Variants in ATP7B observed in about 807,000 individuals in gnomAD.
ATP7B encodes the protein ATPase copper transporting beta, also known as copper-transporting ATPase 2.
A neutral mutation model predicts 118.9 loss-of-function variants in ATP7B; 113 were observed. That is an observed-to-expected ratio of 0.95 (90% CI 0.82 to 1.11). The LOEUF (loss-of-function observed/expected upper bound fraction) is 1.11, where lower values mean the gene tolerates loss of function less well. Among genes scored for constraint, ATP7B ranks in the 50% most tolerant of loss-of-function variants. ATP7B has a pLI of 0.00. For missense variants in ATP7B, 1,867 were observed against 1,871.4 expected, an observed-to-expected ratio of 1.00 and a Z score of 0.04; for synonymous variants, 777 against 727.4, an observed-to-expected ratio of 1.07 and a Z score of -1.10.
chr13:51,961,938 G>T (rs955554569), intron 5 of ATP7B, 25 bp from the exon 6 acceptor site: 22 of 1,589,824 alleles, frequency 1.4e-5, no homozygotes, highest in Non-Finnish European at 1.8e-5. Flanking sequence ...GAGAGGGGTG[G>T]GGAAAAAGGA....
At chr13:51,945,729 C>T (rs142754185) in intron 13 of ATP7B, among the ~76,000 whole-genome samples, 3 of 152,322 alleles carry the variant, frequency 2.0e-5, no homozygotes, top group East Asian at 3.9e-4. Flanking sequence ...CCATGACCAT[C>T]GCCAGAACCC....
chr13:51,957,232 T>A (rs1958408699), intron 9 of ATP7B, among the ~76,000 whole-genome samples: 1 of 152,226 alleles, frequency 6.6e-6, no homozygotes, highest in Non-Finnish European at 1.5e-5. Flanking sequence ...ATGTTCTCTG[T>A]GAAGTTTCCC....
chr13:51,999,149 T>C (rs1284448826), intron 1 of ATP7B, among the ~76,000 whole-genome samples: 3 of 152,156 alleles, frequency 2.0e-5, no homozygotes, highest in African/African-American at 7.2e-5. Flanking sequence ...TATTTAAGTG[T>C]ATGCACAACA....
rs772843652 is a variant in ATP7B at position 51,973,990 on chromosome 13, T to C, written c.1230A>G (p.Pro410=). The stretch of plus-strand genomic sequence containing the variant: ...CTTCTATAGCAGCTCTGAGTTCTTC[T>C]GGGCTAATTACAGAGGGATTATAAA... The part of the protein sequence containing the change: ...TVLYNPSVIS[P]EELRAAIEDM... The change falls in exon 2 of 21, where the codon CCA becomes CCG. Residue 410 remains proline (P), a synonymous_variant. Coordinates refer to ENST00000242839, the MANE Select transcript of ATP7B (RefSeq NM_000053.4). 126 of 1,614,128 alleles carry C rather than the reference T, an allele frequency of 7.8e-5. No homozygotes were observed. Among genetic ancestry groups the C allele is most frequent in the Non-Finnish European group, 1.1e-4 (125 of 1,180,056 alleles).
At chr13:51,937,211 C>A in intron 19 of ATP7B, 65 bp downstream of exon 19, 1 of 1,513,608 alleles carries the variant, frequency 6.6e-7, no homozygotes, top group Non-Finnish European at 9.2e-7. Context: ...CTAACCCCAG[C>A]AGGAACCTGG....
intron 14 of ATP7B, 42 bp from the exon 15 acceptor site, chr13:51,942,596 G>A: frequency 1.2e-6 from 2 of 1,611,918 alleles, no homozygotes; most frequent in Non-Finnish European, 1.7e-6. Flanking sequence ...TGTAAGCCAA[G>A]AGGGGTGAAG....
intron 13 of ATP7B, 62 bp downstream of exon 13, chr13:51,946,222 G>T: frequency 6.5e-7 from 1 of 1,534,150 alleles, no homozygotes. Flanking sequence ...CTCTCAATGT[G>T]AAATAGTAAA....
chr13:51,998,803 T>G (rs1471777133), intron 1 of ATP7B, among the ~76,000 whole-genome samples: 1 of 152,198 alleles, frequency 6.6e-6, no homozygotes, highest in Non-Finnish European at 1.5e-5. Context: ...TCCATGAACC[T>G]CCAGGACAAA....
chr13:52,005,712 C>T (rs1953734273), intron 1 of ATP7B, among the ~76,000 whole-genome samples: 1 of 152,200 alleles, frequency 6.6e-6, no homozygotes, highest in Non-Finnish European at 1.5e-5. Flanking sequence ...ACTCTTCCAG[C>T]CTCTACCCTT....
chr13:51,940,543 T>C (rs571785784), intron 16 of ATP7B, among the ~76,000 whole-genome samples: 46 of 150,438 alleles, frequency 3.1e-4, no homozygotes, highest in Admixed American at 2.5e-3. Flanking sequence ...TACTCAGGAG[T>C]CTGAGGCAGG....
chr13:52,010,249 T>C (rs868558781), intron 1 of ATP7B, among the ~76,000 whole-genome samples: 13 of 152,330 alleles, frequency 8.5e-5, no homozygotes, highest in Non-Finnish European at 8.8e-5. Context: ...CCGTTAGTTT[T>C]CATTTCTGTA....
At chr13:51,990,347 G>A (rs1952848200) in intron 1 of ATP7B, among the ~76,000 whole-genome samples, 1 of 151,986 alleles carries the variant, frequency 6.6e-6, no homozygotes, top group Non-Finnish European at 1.5e-5. Flanking sequence ...GTGAAAAACT[G>A]GAAACCATCT....
upstream of ATP7B, chr13:52,011,988 G>A (rs893974353): frequency 2.8e-5 from 9 of 323,428 alleles, no homozygotes; most frequent in African/African-American, 1.8e-4. Flanking sequence ...GGGTCCCAAA[G>A]GAAGCAACCG....
At chr13:51,942,026 C>T (rs940767971) in intron 15 of ATP7B, among the ~76,000 whole-genome samples, 11 of 152,304 alleles carry the variant, frequency 7.2e-5, no homozygotes, top group African/African-American at 2.4e-4. Flanking sequence ...TTTCTGCCTG[C>T]TTTGTAAATA....
chr13:52,012,004 A>C (rs892802992), upstream of ATP7B: 10 of 343,548 alleles, frequency 2.9e-5, no homozygotes, highest in Non-Finnish European at 4.4e-5. Context: ...AACCGCGGCA[A>C]GAGTGAACTC....
chr13:51,951,609 A>T (rs1252760506), intron 9 of ATP7B, among the ~76,000 whole-genome samples: 2 of 152,194 alleles, frequency 1.3e-5, no homozygotes, highest in Non-Finnish European at 2.9e-5. Context: ...GGGGTCCTAG[A>T]ACTCATCCCT....
chr13:51,974,993 A>G lies in ATP7B; in HGVS notation c.227T>C (p.Ile76Thr), dbSNP rs747911411. 36 of 1,614,058 alleles carry G rather than the reference A, an allele frequency of 2.2e-5. No homozygotes were observed. The highest frequency in any genetic ancestry group is 3.3e-5 in the Admixed American group (2 of 60,014). The change falls in exon 2 of 21, where the codon ATT (isoleucine) becomes ACT (threonine). Residue 76 changes from isoleucine to threonine, a missense_variant. By Grantham distance (89) the Ile-to-Thr change is moderately conservative. Transcript: ENST00000242839. ...TTTCAAATTGGAAATCCTGTCCTCA[A>G]TGGACTTCACACATGACTGGCAAGT... ...GMTCQSCVKS[I>T]EDRISNLKGI...
At chr13:51,970,110 T>C (rs909251728) in intron 3 of ATP7B, among the ~76,000 whole-genome samples, 4 of 152,226 alleles carry the variant, frequency 2.6e-5, no homozygotes, top group Admixed American at 1.3e-4. Flanking sequence ...CAAGAAAGAA[T>C]ATTTGAAATT....
At chr13:51,978,788 C>A (rs1952252950) in intron 1 of ATP7B, 1 of 152,158 alleles carries the variant, frequency 6.6e-6, no homozygotes, top group Non-Finnish European at 1.5e-5. Flanking sequence ...ACATGACAAA[C>A]CAACTTTAGT....
Sources: gnomAD v4.1 joint callset for allele counts (sites outside exome capture counted in the v4.1 genomes callset) on GRCh38, gnomAD v4.1.1 for gene constraint, MANE v1.5 for transcripts, NCBI Gene and HGNC (gene_info 2026-07-23, HGNC 2026-07-21) for gene names.